Variants in CNKSR3 observed in about 807,000 individuals in gnomAD.
CNKSR3 encodes the protein CNKSR family member 3.
A neutral mutation model predicts 67.7 loss-of-function variants in CNKSR3; 36 were observed. The ratio of observed to expected loss-of-function variants is 0.53; its 90% CI spans 0.41 to 0.70. The LOEUF (loss-of-function observed/expected upper bound fraction) is 0.70, where lower values mean the gene tolerates loss of function less well. Ranked by LOEUF, CNKSR3 falls within the 30% of genes least tolerant of loss-of-function variation. The pLI, the probability that CNKSR3 is intolerant of heterozygous loss-of-function variation, is 0.00. For missense variants in CNKSR3, 630 were observed against 695.2 expected (o/e 0.91, Z 1.05); for synonymous variants, 281 against 271.4 (o/e 1.04, Z -0.35).
intron 1 of CNKSR3, among the ~76,000 whole-genome samples, chr6:154,464,573 T>C (rs1365673328): frequency 6.7e-6 from 1 of 149,050 alleles, no homozygotes; most frequent in East Asian, 2.0e-4. Flanking sequence ...AAATTAGCCA[T>C]GCGTTGTGGT....
At chr6:154,457,492 G>A (rs1785983617) in intron 1 of CNKSR3, among the ~76,000 whole-genome samples, 1 of 152,154 alleles carries the variant, frequency 6.6e-6, no homozygotes, top group Admixed American at 6.5e-5. Flanking sequence ...GGCCAAGGTG[G>A]GTGGATCACC....
At chr6:154,415,227 CATTTTTTT>C (rs1244462948) in intron 9 of CNKSR3, among the ~76,000 whole-genome samples, 3 of 112,768 alleles carry the variant, frequency 2.7e-5, no homozygotes, top group African/African-American at 1.1e-4. Context: ...ACTAGCTGCC[CATTTTTTT>C]TTTTTTTTTT....
chr6:154,457,228 CA>C (rs1405846665), intron 1 of CNKSR3, among the ~76,000 whole-genome samples: 4 of 152,122 alleles, frequency 2.6e-5, no homozygotes, highest in Non-Finnish European at 5.9e-5. Flanking sequence ...CAGGGCATGC[CA>C]AAAGCCAGAA....
At chr6:154,485,463 CT>C (rs1786648345) in intron 1 of CNKSR3, among the ~76,000 whole-genome samples, 1 of 152,206 alleles carries the variant, frequency 6.6e-6, no homozygotes, top group Non-Finnish European at 1.5e-5. Flanking sequence ...GTTTTTTCCC[CT>C]GGCTCAAAGA....
intron 1 of CNKSR3, among the ~76,000 whole-genome samples, chr6:154,453,053 G>C (rs1309409334): frequency 6.6e-6 from 1 of 152,232 alleles, no homozygotes; most frequent in Non-Finnish European, 1.5e-5. Flanking sequence ...ACAAGGCCCA[G>C]TCAGGTGATG....
chr6:154,417,040 C>T (rs1025530614), intron 9 of CNKSR3, among the ~76,000 whole-genome samples: 6 of 152,196 alleles, frequency 3.9e-5, no homozygotes, highest in Non-Finnish European at 7.3e-5. Flanking sequence ...ATTATTTTCA[C>T]TCATGTTCTG....
intron 1 of CNKSR3, among the ~76,000 whole-genome samples, chr6:154,481,058 T>C (rs1392529721): frequency 6.6e-6 from 1 of 152,156 alleles, no homozygotes; most frequent in Non-Finnish European, 1.5e-5. Flanking sequence ...TTGATATTTA[T>C]TTTATTTGAT....
At chr6:154,494,377 C>T (rs146216117) in intron 1 of CNKSR3, among the ~76,000 whole-genome samples, 6 of 152,174 alleles carry the variant, frequency 3.9e-5, no homozygotes, top group Non-Finnish European at 8.8e-5. Context: ...TCCCATGACA[C>T]GTGGGGATTA....
chr6:154,424,230 CAAAA>C (rs56218677), intron 7 of CNKSR3, among the ~76,000 whole-genome samples: 1 of 73,006 alleles, frequency 1.4e-5, no homozygotes. Context: ...GACTCCGTCT[CAAAA>C]AAAAAAAAAA....
chr6:154,446,998 G>A (rs1218897465), intron 2 of CNKSR3, among the ~76,000 whole-genome samples: 9 of 151,968 alleles, frequency 5.9e-5, no homozygotes, highest in African/African-American at 1.7e-4. Context: ...TAAAGACAGT[G>A]TTTCACCATG....
Position 154,433,350 on chromosome 6 carries a change from A to G in CNKSR3, c.549+116T>C, listed in dbSNP as rs961929469. The G allele has an allele frequency of 8.1e-6, 6 of 741,346 alleles. No homozygotes were observed. In the African/African-American group the frequency reaches 1.1e-4, roughly 13 times the overall value. The allele number at this position is 741,346 out of a possible 1,614,324, so 45.9% of individuals were successfully genotyped here. On this transcript the variant is annotated intron_variant, in intron 5 of 12. Coordinates refer to ENST00000607772, the MANE Select transcript of CNKSR3 (RefSeq NM_173515.4). The stretch of plus-strand genomic sequence containing the variant: ...CCTAAATTTAAAAACTCATGTCCCA[A>G]AAGCCAATATTTCAAAGTATCTCCT...
chr6:154,507,106 T>A (rs1038512306), intron 1 of CNKSR3, among the ~76,000 whole-genome samples: 2 of 152,214 alleles, frequency 1.3e-5, no homozygotes, highest in Non-Finnish European at 2.9e-5. Flanking sequence ...GCCTATTAAA[T>A]GAGCTGATAT....
intron 2 of CNKSR3, among the ~76,000 whole-genome samples, chr6:154,449,361 C>T (rs1223517816): frequency 1.3e-5 from 2 of 152,204 alleles, no homozygotes; most frequent in Admixed American, 1.3e-4. Flanking sequence ...CTCACTCTGT[C>T]ACCCAGGCTA....
intron 9 of CNKSR3, among the ~76,000 whole-genome samples, chr6:154,415,677 G>T (rs1481088236): frequency 1.3e-5 from 2 of 152,212 alleles, no homozygotes; most frequent in African/African-American, 2.4e-5. Flanking sequence ...TTAGGACACT[G>T]CTTTCCCATA....
chr6:154,421,537 C>T (rs547621833), intron 9 of CNKSR3, among the ~76,000 whole-genome samples: 1 of 152,288 alleles, frequency 6.6e-6, no homozygotes, highest in African/African-American at 2.4e-5. Flanking sequence ...GCACTAAGGA[C>T]CAATGGCATA....
Position 154,396,825 on chromosome 6 carries a change from A to T in CNKSR3, c.*9529T>A, listed in dbSNP as rs2128708659. On this transcript the variant is annotated 3_prime_UTR_variant, in exon 13 of 13. Transcript: ENST00000607772. ...TCTTTTTTTTTTTTTTTTGAGACGG[A>T]GTCTCGCTCTGTCTCCCAGGCTGGA... is the stretch of plus-strand genomic sequence containing the variant. The T allele has an allele frequency of 2.0e-5, 3 of 148,976 alleles. 1 individual carries two copies. The South Asian group carries it at 6.3e-4, about 32-fold the overall frequency. The allele number at this position is 148,976 out of a possible 1,614,324, so 9.2% of individuals were successfully genotyped here.
intron 5 of CNKSR3, among the ~76,000 whole-genome samples, chr6:154,432,297 T>C (rs1584077270): frequency 6.6e-6 from 1 of 152,260 alleles, no homozygotes; most frequent in Non-Finnish European, 1.5e-5. Context: ...TTGCCATTTG[T>C]ATGTATTCTT....
intron 1 of CNKSR3, chr6:154,478,355 A>G (rs1786497116): frequency 6.5e-6 from 1 of 152,732 alleles, no homozygotes; most frequent in African/African-American, 2.4e-5. Flanking sequence ...ACTCCTCCTG[A>G]TCCTCCAAGG....
chr6:154,394,976 G>C lies in CNKSR3; in HGVS notation c.*11378C>G, dbSNP rs1404044094. On this transcript the variant is annotated 3_prime_UTR_variant, in exon 13 of 13. Transcript: ENST00000607772. ...GTCTGAGCACAGAGAATGAATCTAGGAGAGAGGTGACTGGTTTGGGCTGCA... is the reference window on the plus strand; with the variant it reads ...GTCTGAGCACAGAGAATGAATCTAGCAGAGAGGTGACTGGTTTGGGCTGCA... 1 of 152,188 alleles carries C rather than the reference G, an allele frequency of 6.6e-6. No homozygotes were observed. Among genetic ancestry groups the C allele is most frequent in the Non-Finnish European group, 1.5e-5 (1 of 68,076 alleles). The allele number at this position is 152,188 out of a possible 1,614,324, so 9.4% of individuals were successfully genotyped here. A position where few individuals can be genotyped will look rare whatever the true frequency, so the allele number is the denominator to read the frequency against.
Sources: gnomAD v4.1 joint callset for allele counts (sites outside exome capture counted in the v4.1 genomes callset) on GRCh38, gnomAD v4.1.1 for gene constraint, MANE v1.5 for transcripts, NCBI Gene and HGNC (gene_info 2026-07-23, HGNC 2026-07-21) for gene names.